Variants in PRRC2A observed in about 807,000 individuals in gnomAD.
The protein encoded by PRRC2A is proline rich coiled-coil 2A, also known as protein PRRC2A.
Under a neutral mutation model 224.6 loss-of-function variants are expected in PRRC2A, and 59 were observed. The observed-to-expected ratio is 0.26, with a 90% CI of 0.21 to 0.33. The LOEUF (loss-of-function observed/expected upper bound fraction) is 0.33. Among genes scored for constraint, PRRC2A ranks in the 10% least tolerant of loss-of-function variants. The pLI is 1.00. For missense variants in PRRC2A, 3,095 were observed against 2,880.7 expected, an observed-to-expected ratio of 1.07 and a Z score of -1.70; for synonymous variants, 1,194 against 1,109.5, an observed-to-expected ratio of 1.08 and a Z score of -1.51.
In PRRC2A at chr6:31,631,023, C is replaced by G; in HGVS notation, c.2466-116C>G. The G allele has an allele frequency of 7.7e-7, 1 of 1,294,028 alleles. No individual in the cohort carries two copies. The allele number at this position is 1,294,028 out of a possible 1,614,324, so 80.2% of individuals were successfully genotyped here. A position where few individuals can be genotyped will look rare whatever the true frequency, so the allele number is the denominator to read the frequency against. On this transcript the variant is annotated intron_variant, in intron 15 of 30. Transcript: ENST00000376033. This position sits in a 1 kb window ranked among gnomAD's most constrained non-coding sequence, Gnocchi z 4.5. ...CTCGGCAACTGGATGCCATCTCTGC[C>G]AAAACAAACAGAAAAATAGTAAAAG...
In PRRC2A at chr6:31,622,799, C is replaced by T. The variant is rs1354540572; in HGVS notation, c.10C>T (p.Arg4Cys). The T allele has an allele frequency of 5.0e-6, 8 of 1,612,788 alleles. No individual in the cohort carries two copies. Among genetic ancestry groups the T allele is most frequent in the South Asian group, 4.4e-5 (4 of 91,016 alleles). Residue 4 changes from arginine to cysteine, a missense_variant, in exon 2 of 31, where the codon CGC becomes TGC. This residue lies in a region of PRRC2A where 64 missense variants were observed against 68.2 expected (regional missense o/e 0.94). Coordinates refer to ENST00000376033, the MANE Select transcript of PRRC2A (RefSeq NM_004638.4). ...ATGAGCTTCCAGCGCAATGTCCGAT[C>T]GCTCGGGGCCGACTGCCAAGGGAAA... MSDRSGPTAKGKDG... is the reference protein window; with the variant it reads MSDCSGPTAKGKDG...
rs777562558 is a variant in PRRC2A, at chr6:31,637,602, C to T, written c.*16C>T. ...ACCCCGCTGAGGGAGTTCCTCTTGC[C>T]CCCTACCCCCGGGGCTTGTATATAG... On this transcript the variant is annotated 3_prime_UTR_variant, in exon 31 of 31. Coordinates refer to ENST00000376033, the MANE Select transcript of PRRC2A (RefSeq NM_004638.4). The T allele has an allele frequency of 3.3e-6, 5 of 1,528,648 alleles. No individual in the cohort carries two copies. The highest frequency in any genetic ancestry group is 4.4e-6 in the Non-Finnish European group (5 of 1,139,794). 94.7% of individuals were successfully genotyped at this position (1,528,648 alleles called of 1,614,324 possible). A position where few individuals can be genotyped will look rare whatever the true frequency, so the allele number is the denominator to read the frequency against.
intron 16 of PRRC2A, 77 bp from the exon 17 acceptor site, chr6:31,633,302 C>G: frequency 6.5e-7 from 1 of 1,548,334 alleles, no homozygotes; most frequent in Non-Finnish European, 8.8e-7. Context: ...AGGTTGTAAG[C>G]AGAAGTTGGG....
rs1776441464 is a variant in PRRC2A, at chr6:31,630,610, T to C, written c.2274T>C (p.Arg758=). ...VHPSGLVPRE[R]SDSGGSSSEP... ...CTTCAGGCCTAGTTCCCCGAGAGCG[T>C]TCAGACAGTGGGGGCTCAAGCTCAG... The change falls in exon 15 of 31, where the codon CGT becomes CGC. Residue 758 remains arginine (R), a synonymous_variant. Transcript: ENST00000376033. The C allele has an allele frequency of 6.2e-7, 1 of 1,613,838 alleles. No homozygotes were observed. Among genetic ancestry groups the C allele is most frequent in the Admixed American group, 1.7e-5 (1 of 59,986 alleles).
rs774689648 is a variant in PRRC2A, at chr6:31,622,866, A to T, written c.77A>T (p.Tyr26Phe). Reference protein sequence around the residue: ...KYSSLNLFDTYKGKSLEIQKP... With the variant: ...KYSSLNLFDTFKGKSLEIQKP... Reference sequence around the variant, plus strand: ...TCCTCGCTCAACCTGTTTGATACGTATAAGGGCAAGTCCTTAGAGATCCAG... The same window carrying T: ...TCCTCGCTCAACCTGTTTGATACGTTTAAGGGCAAGTCCTTAGAGATCCAG... Residue 26 changes from tyrosine to phenylalanine, a missense_variant, in exon 2 of 31, where the codon TAT (tyrosine) becomes TTT (phenylalanine). Tyr to Phe is a conservative substitution (Grantham distance 22). Coordinates refer to ENST00000376033, the MANE Select transcript of PRRC2A (RefSeq NM_004638.4). 22 of 1,614,178 alleles carry T rather than the reference A, an allele frequency of 1.4e-5. No homozygotes were observed. Among genetic ancestry groups the T allele is most frequent in the Non-Finnish European group, 6.8e-6 (8 of 1,180,016 alleles).
chr6:31,622,925 C>A (rs373392342), intron 2 of PRRC2A, 24 bp downstream of exon 2: 37 of 1,585,890 alleles, frequency 2.3e-5, no homozygotes, highest in Non-Finnish European at 3.1e-5. Context: ...AAAGATGCTT[C>A]TGATGGTTGA....
At chr6:31,629,980 C>T (rs17207225) in intron 14 of PRRC2A, 135 bp downstream of exon 14, 35,903 of 1,389,300 alleles carry the variant, frequency 0.026, 991 homozygotes, top group African/African-American at 0.09. Flanking sequence ...ATGCTTGGCA[C>T]TGCTGAGATA....
Position 31,633,637 on chromosome 6 carries a change from C to T in PRRC2A, c.4578C>T (p.Gly1526=), listed in dbSNP as rs187299926. Residue 1526 remains glycine (G), a synonymous_variant, in exon 17 of 31, where the codon GGC becomes GGT. Coordinates refer to ENST00000376033, the MANE Select transcript of PRRC2A (RefSeq NM_004638.4). ...ACGAGCCCCAGAGGGTCAACAGCGG[C>T]CTCAGTTCTGGTAAGCTGGAGGGGT... The part of the protein sequence containing the change: ...TRYEPQRVNS[G]LSSDPHFEEP... 2 of 1,610,506 alleles carry T rather than the reference C, an allele frequency of 1.2e-6. No homozygotes were observed. Among genetic ancestry groups the T allele is most frequent in the Non-Finnish European group, 8.5e-7 (1 of 1,178,450 alleles).
chr6:31,626,571 G>A (rs11754824), intron 9 of PRRC2A, among the ~76,000 whole-genome samples: 6,361 of 150,308 alleles, frequency 0.042, 221 homozygotes, highest in African/African-American at 0.08. Flanking sequence ...AAAAAAAAAA[G>A]AGTAGGGGAG....
At chr6:31,633,767 C>T (rs1337535698) in intron 17 of PRRC2A, 92 bp from the exon 18 acceptor site, 5 of 1,529,412 alleles carry the variant, frequency 3.3e-6, no homozygotes, top group Non-Finnish European at 4.4e-6. Context: ...CTGCAGGGAG[C>T]AAGGGTAGAA....
rs377375339 is a variant in PRRC2A, at chr6:31,630,736, C to T, written c.2400C>T (p.Pro800=). 20 of 1,614,016 alleles carry T rather than the reference C, an allele frequency of 1.2e-5. No homozygotes were observed. Among genetic ancestry groups the T allele is most frequent in the Middle Eastern group, 3.3e-4 (2 of 6,084 alleles). Residue 800 remains proline, a synonymous_variant, in exon 15 of 31, where the codon CCC becomes CCT. Coordinates refer to ENST00000376033, the MANE Select transcript of PRRC2A (RefSeq NM_004638.4). ...AWVGDVFTAT[P]AEPRPLTSPL... ...TAGGAGATGTCTTCACCGCCACACC[C>T]GCTGAACCCCGCCCACTTACCTCAC...
chr6:31,632,034 G>C lies in PRRC2A; in HGVS notation c.3361G>C (p.Asp1121His). The C allele has an allele frequency of 6.3e-7, 1 of 1,594,752 alleles. No homozygotes were observed. Residue 1121 changes from aspartate (D) to histidine (H), a missense_variant, in exon 16 of 31, where the codon GAC becomes CAC. Physicochemically the swap from Asp to His is moderately conservative, Grantham distance 81. Coordinates refer to ENST00000376033, the MANE Select transcript of PRRC2A (RefSeq NM_004638.4). ...CCATGAGAGTGATCTGGCTCCTTCAGACAAGGAGGCTCCCACACCCAAGGA... is the reference window on the plus strand; with the variant it reads ...CCATGAGAGTGATCTGGCTCCTTCACACAAGGAGGCTCCCACACCCAAGGA... ...ETHESDLAPS[D>H]KEAPTPKEGT...
rs758316360 is a variant in PRRC2A, at chr6:31,627,829, G to T, written c.1355G>T (p.Arg452Leu). Residue 452 changes from arginine to leucine, a missense_variant, in exon 12 of 31, where the codon CGA (arginine) becomes CTA (leucine). Coordinates refer to ENST00000376033, the MANE Select transcript of PRRC2A (RefSeq NM_004638.4). This position sits in a 1 kb window ranked among gnomAD's most constrained non-coding sequence, Gnocchi z 5.6. ...GATGAGGATGAGGCATGGCGGCAGC[G>T]ACGAAAGCAGTCGTCATCTGAGATT... is the stretch of plus-strand genomic sequence containing the variant. ...PEDEDEAWRQ[R>L]RKQSSSEISL... 1 of 1,613,086 alleles carries T rather than the reference G, an allele frequency of 6.2e-7. No homozygotes were observed. The highest frequency in any genetic ancestry group is 1.1e-5 in the South Asian group (1 of 91,086).
rs760506963 is a variant in PRRC2A, at chr6:31,637,026, A to AT, written c.6148-9dup. On this transcript the variant is annotated splice_polypyrimidine_tract_variant and intron_variant, in intron 28 of 30. Transcript: ENST00000376033. ...TGTATTTCAAGGTAGGCAGCTCATG[A>AT]TTTTTTTCCCCTCAGCTGCATCCAG... The AT allele has an allele frequency of 1.9e-5, 30 of 1,595,118 alleles. No individual in the cohort carries two copies. Among genetic ancestry groups the AT allele is most frequent in the Non-Finnish European group, 2.3e-5 (27 of 1,170,042 alleles).
In PRRC2A at chr6:31,632,900, C is replaced by G. The variant is rs755897681; in HGVS notation, c.4227C>G (p.Gly1409=). The part of the protein sequence containing the change: ...PGPGGKAGSS[G]SSSGGGGGGP... ...CAGGGGGCAAGGCTGGCAGCAGTGG[C>G]AGCAGCAGTGGAGGAGGCGGTGGGG... The change falls in exon 16 of 31, where the codon GGC becomes GGG. Residue 1409 remains glycine (G), a synonymous_variant. Transcript: ENST00000376033. 5.6e-6 allele frequency: 9 copies of G among 1,612,736 alleles called. No homozygotes were observed. The highest frequency in any genetic ancestry group is 6.8e-6 in the Non-Finnish European group (8 of 1,179,826).
chr6:31,637,368 C>G, intron 30 of PRRC2A, 44 bp downstream of exon 30: 1 of 1,600,722 alleles, frequency 6.2e-7, no homozygotes, highest in East Asian at 2.2e-5. Context: ...ATTCGAGTTG[C>G]CACCTGATTT....
In PRRC2A at chr6:31,625,520, C is replaced by T; in HGVS notation, c.668C>T (p.Ser223Phe). 4 of 1,581,576 alleles carry T rather than the reference C, an allele frequency of 2.5e-6. No individual in the cohort carries two copies. The South Asian group carries it at 3.5e-5, about 14-fold the overall frequency. Residue 223 changes from serine (S) to phenylalanine (F), a missense_variant, in exon 7 of 31, where the codon TCC becomes TTC. By Grantham distance (155) the Ser-to-Phe change is radical. Transcript: ENST00000376033. This position sits in a 1 kb window ranked among gnomAD's most constrained non-coding sequence, Gnocchi z 4.1. ...RGPDELEGPD[S>F]KLHHGHDPRG... ...CCTGATGAGCTGGAGGGCCCGGACT[C>T]CAAACTTCATCATGGTCATGATCCC...
At position 31,637,262 on chromosome 6, in the gene PRRC2A, A is replaced by G. The variant is rs1223733160; in HGVS notation, c.6271A>G (p.Lys2091Glu). The part of the protein sequence containing the change: ...RSFSGLNSRL[K>E]ATPSTYSGVF... ...CTTCTCTGGCCTCAATTCCCGTCTC[A>G]AGGCCACGCCTTCCACCTACAGTGG... is the stretch of plus-strand genomic sequence containing the variant. The change falls in exon 30 of 31, where the codon AAG (lysine) becomes GAG (glutamate). Residue 2091 changes from lysine (K) to glutamate (E), a missense_variant. Lys to Glu is a moderately conservative substitution (Grantham distance 56). Transcript: ENST00000376033. 3 of 1,612,346 alleles carry G rather than the reference A, an allele frequency of 1.9e-6. No individual in the cohort carries two copies. The South Asian group carries it at 3.3e-5, about 18-fold the overall frequency.
Position 31,625,264 on chromosome 6 carries a change from G to A in PRRC2A, c.557G>A (p.Arg186Lys), listed in dbSNP as rs138597248. 4.0e-4 allele frequency: 644 copies of A among 1,613,292 alleles called. 4 individuals are homozygous for A. Among genetic ancestry groups the A allele is most frequent in the Non-Finnish European group, 1.4e-4 (166 of 1,180,036 alleles). Residue 186 changes from arginine (R) to lysine (K), a missense_variant, in exon 6 of 31, where the codon AGG becomes AAG. Physicochemically the swap from Arg to Lys is conservative, Grantham distance 26. Around this residue, in one of 8 missense-constraint regions of PRRC2A, gnomAD observed 287 missense variants for 275.3 expected, o/e 1.04. Coordinates refer to ENST00000376033, the MANE Select transcript of PRRC2A (RefSeq NM_004638.4). This position sits in a 1 kb window ranked among gnomAD's most constrained non-coding sequence, Gnocchi z 4.1. Reference sequence around the variant, plus strand: ...GACCAGGACAAGGCTGCCAAGGAAAGGGAGTCTGCCGAACAGTCGTCTGGG... The same window carrying A: ...GACCAGGACAAGGCTGCCAAGGAAAAGGAGTCTGCCGAACAGTCGTCTGGG... The part of the protein sequence containing the change: ...AGDQDKAAKE[R>K]ESAEQSSGPG...
Sources: gnomAD v4.1 joint callset for allele counts (sites outside exome capture counted in the v4.1 genomes callset) on GRCh38, gnomAD v4.1.1 for gene constraint, gnomAD v4.1.1 regional missense constraint, Gnocchi (gnomAD v3.1) non-coding constraint, MANE v1.5 for transcripts, NCBI Gene and HGNC (gene_info 2026-07-23, HGNC 2026-07-21) for gene names.